CLDN5: variants seen among roughly 807,000 people sequenced by gnomAD.
The protein encoded by CLDN5 is claudin-5.
Under a neutral mutation model 1.3 loss-of-function variants are expected in CLDN5, and 4 were observed. The observed-to-expected ratio is 3.07, with a 90% CI of 1.51 to 7.03. The LOEUF is 7.03. Ranked by LOEUF, CLDN5 falls within the 30% of genes most tolerant of loss-of-function variation. CLDN5 has a pLI of 0.00. For synonymous variants in CLDN5, 156 were observed against 152.3 expected, an observed-to-expected ratio of 1.02 and a Z score of -0.18; for missense variants, 225 against 303.5, an observed-to-expected ratio of 0.74 and a Z score of 1.92.
Position 19,524,017 on chromosome 22 carries a change from G to C in CLDN5, c.239C>G (p.Ala80Gly). ...CACGGCGCTCACGGTGAGCGCCCGC[G>C]CCGCCTGCACCTCGGTGCTCAGAGC... The part of the protein sequence containing the change: ...VLALSTEVQA[A>G]RALTVSAVLL... The change falls in exon 1 of 1, where the codon GCG (alanine) becomes GGG (glycine). Residue 80 changes from alanine (A) to glycine (G), a missense_variant. Coordinates refer to ENST00000618236, the MANE Select transcript of CLDN5 (RefSeq NM_001363066.2). 11 of 1,595,332 alleles carry C rather than the reference G, an allele frequency of 6.9e-6. No homozygotes were observed. Among genetic ancestry groups the C allele is most frequent in the Non-Finnish European group, 9.3e-6 (11 of 1,176,752 alleles).
In CLDN5 at chr22:19,523,302, G is replaced by T; in HGVS notation, c.*297C>A. On this transcript the variant is annotated 3_prime_UTR_variant, in exon 1 of 1. Coordinates refer to ENST00000618236, the MANE Select transcript of CLDN5 (RefSeq NM_001363066.2). ...AGCCAAGACCCCCAGCGTCTTGGAG[G>T]GGAAGCGAAATCCTCAGTCTGACAC... The T allele has an allele frequency of 2.5e-6, 1 of 395,356 alleles. No homozygotes were observed. Among genetic ancestry groups the T allele is most frequent in the Admixed American group, 4.5e-5 (1 of 22,106 alleles). The allele number at this position is 395,356 out of a possible 1,614,324, so 24.5% of individuals were successfully genotyped here.
chr22:19,524,621 C>T, upstream of CLDN5: 2 of 1,354,338 alleles, frequency 1.5e-6, no homozygotes, highest in African/African-American at 1.5e-5. Flanking sequence ...CGCCCCCAGC[C>T]CCACCCGCCG....
chr22:19,524,769 C>T, upstream of CLDN5: 1 of 1,243,580 alleles, frequency 8.0e-7, no homozygotes, highest in Non-Finnish European at 1.0e-6. Context: ...TCCCACATCC[C>T]CGACTGAGCC....
In CLDN5 at chr22:19,523,119, G is replaced by C. The variant is rs1934140728; in HGVS notation, c.*480C>G. 6.3e-6 allele frequency: 1 copy of C among 159,444 alleles called. No homozygotes were observed. Among genetic ancestry groups the C allele is most frequent in the South Asian group, 2.0e-4 (1 of 5,006 alleles). The allele number at this position is 159,444 out of a possible 1,614,324, so 9.9% of individuals were successfully genotyped here. A position where few individuals can be genotyped will look rare whatever the true frequency, so the allele number is the denominator to read the frequency against. ...GCCCACAAGCCTTGCCTGGGGAGATGCTGGAGTGAGACCGGGAGGTCCAGG... is the reference window on the plus strand; with the variant it reads ...GCCCACAAGCCTTGCCTGGGGAGATCCTGGAGTGAGACCGGGAGGTCCAGG... On this transcript the variant is annotated 3_prime_UTR_variant, in exon 1 of 1. Transcript: ENST00000618236.
In CLDN5 at chr22:19,524,157, G is replaced by T. The variant is rs140361640; in HGVS notation, c.99C>A (p.Thr33=). The T allele has an allele frequency of 1.9e-6, 3 of 1,610,376 alleles. No homozygotes were observed. The highest frequency in any genetic ancestry group is 2.5e-6 in the Non-Finnish European group (3 of 1,179,592). Residue 33 remains threonine, a synonymous_variant, in exon 1 of 1, where the codon ACC becomes ACA. Coordinates refer to ENST00000618236, the MANE Select transcript of CLDN5 (RefSeq NM_001363066.2). ...LACGLPMWQV[T]AFLDHNIVTA... Reference sequence around the variant, plus strand: ...TCACGATGTTGTGGTCCAGGAAGGCGGTCACCTGCCACATGGGCAGCCCGC... The same window carrying T: ...TCACGATGTTGTGGTCCAGGAAGGCTGTCACCTGCCACATGGGCAGCCCGC...
In CLDN5 at chr22:19,524,250, C is replaced by T; in HGVS notation, c.6G>A (p.Gly2=). Residue 2 remains glycine (G), a synonymous_variant, in exon 1 of 1, where the codon GGG becomes GGA. Coordinates refer to ENST00000618236, the MANE Select transcript of CLDN5 (RefSeq NM_001363066.2). ...GGCCCAGGATCTCCAACGCTGCGGA[C>T]CCCATGGCTAGAGGCGAGACGCGCA... M[G]SAALEILGLV... is the part of the protein sequence containing the mutation. 1 of 1,576,788 alleles carries T rather than the reference C, an allele frequency of 6.3e-7. No individual in the cohort carries two copies. Among genetic ancestry groups the T allele is most frequent in the South Asian group, 1.1e-5 (1 of 87,006 alleles).
chr22:19,524,517 G>A (rs2146466828), upstream of CLDN5: 3 of 1,410,118 alleles, frequency 2.1e-6, no homozygotes, highest in East Asian at 2.8e-5. Context: ...TCATCGTGCC[G>A]CAGCCAATCA....
At chr22:19,525,250 C>G (rs1437260395), upstream of CLDN5, 1 of 1,000,296 alleles carries the variant, frequency 1.0e-6, no homozygotes, top group Non-Finnish European at 1.2e-6. Flanking sequence ...CAGGAAGTTC[C>G]CAGTGACCCA....
chr22:19,525,140 A>G, upstream of CLDN5: 1 of 1,000,582 alleles, frequency 1.0e-6, no homozygotes, highest in Non-Finnish European at 1.2e-6. Context: ...CCCAAGCCGC[A>G]GGGGCTTCCC....
upstream of CLDN5, chr22:19,524,991 G>A: frequency 9.9e-7 from 1 of 1,006,190 alleles, no homozygotes; most frequent in African/African-American, 1.7e-5. Flanking sequence ...GGCAAACAGA[G>A]AGGCCAGGCA....
rs1934139026 is a variant in CLDN5, at chr22:19,523,061, C to T, written c.*538G>A. 1 of 153,820 alleles carries T rather than the reference C, an allele frequency of 6.5e-6. No homozygotes were observed. The highest frequency in any genetic ancestry group is 2.1e-4 in the South Asian group (1 of 4,868). 9.5% of individuals were successfully genotyped at this position (153,820 alleles called of 1,614,324 possible). On this transcript the variant is annotated 3_prime_UTR_variant, in exon 1 of 1. Coordinates refer to ENST00000618236, the MANE Select transcript of CLDN5 (RefSeq NM_001363066.2). ...AACCATTTACTAAGCAGATTCTTAG[C>T]CTTCCCACTCCCGCCCTCTCTCAAG...
At chr22:19,524,674 C>T (rs556068557), upstream of CLDN5, 72 of 1,307,726 alleles carry the variant, frequency 5.5e-5, no homozygotes, top group African/African-American at 8.2e-4. Context: ...TGGCCTAGGG[C>T]GCGCTTCTTG....
chr22:19,524,979 A>C, upstream of CLDN5: 2 of 1,006,834 alleles, frequency 2.0e-6, no homozygotes, highest in Non-Finnish European at 1.2e-6. Flanking sequence ...CTCTCATCCC[A>C]TGGCAAACAG....
Position 19,523,926 on chromosome 22 carries a change from C to T in CLDN5, c.330G>A (p.Pro110=). 2 of 1,596,912 alleles carry T rather than the reference C, an allele frequency of 1.3e-6. No individual in the cohort carries two copies. Among genetic ancestry groups the T allele is most frequent in the African/African-American group, 1.3e-5 (1 of 74,894 alleles). ...AGAQCTTCVA[P]GPAKARVALT... ...GGGCCACACGCGCCTTGGCCGGGCC[C>T]GGGGCCACGCAGGTGGTGCACTGCG... is the stretch of plus-strand genomic sequence containing the variant. Residue 110 remains proline (P), a synonymous_variant, in exon 1 of 1, where the codon CCG becomes CCA. Coordinates refer to ENST00000618236, the MANE Select transcript of CLDN5 (RefSeq NM_001363066.2).
rs780968954 is a variant in CLDN5 at position 19,523,668 on chromosome 22, G to A, written c.588C>T (p.Phe196=). Residue 196 remains phenylalanine, a synonymous_variant, in exon 1 of 1, where the codon TTC becomes TTT. Coordinates refer to ENST00000618236, the MANE Select transcript of CLDN5 (RefSeq NM_001363066.2). ...GCCGCGGCGCTGAGTACTTCACGGG[G>A]AAGCTGAGGTCGGGACGGCCGGTGC... is the stretch of plus-strand genomic sequence containing the variant. ...WVCTGRPDLS[F]PVKYSAPRRP... is the part of the protein sequence containing the mutation. The A allele has an allele frequency of 1.2e-6, 2 of 1,607,358 alleles. No individual in the cohort carries two copies. Among genetic ancestry groups the A allele is most frequent in the South Asian group, 2.2e-5 (2 of 91,012 alleles).
upstream of CLDN5, chr22:19,524,956 C>T (rs1008493089): frequency 8.8e-6 from 9 of 1,017,218 alleles, no homozygotes; most frequent in South Asian, 4.7e-5. Context: ...CGCTCTGAGT[C>T]CCAGCACTGT....
chr22:19,525,320 C>T (rs982868635), upstream of CLDN5: 12 of 998,868 alleles, frequency 1.2e-5, no homozygotes, highest in South Asian at 3.8e-4. Flanking sequence ...CCTGCTCTGG[C>T]CTTCAGACAG....
At chr22:19,524,758 C>T (rs1568944472), upstream of CLDN5, 11 of 1,254,020 alleles carry the variant, frequency 8.8e-6, no homozygotes, top group Non-Finnish European at 1.1e-5. Context: ...ACCCAGTCCA[C>T]TCCCACATCC....
Position 19,523,779 on chromosome 22 carries a change from C to T in CLDN5, c.477G>A (p.Glu159=). The T allele has an allele frequency of 6.2e-7, 1 of 1,605,724 alleles. No individual in the cohort carries two copies. Among genetic ancestry groups the T allele is most frequent in the Non-Finnish European group, 8.5e-7 (1 of 1,176,836 alleles). The change falls in exon 1 of 1, where the codon GAG becomes GAA. Residue 159 remains glutamate, a synonymous_variant. Transcript: ENST00000618236. ...AGCCGATGTACAGCGCTGCGCCCAG[C>T]TCGTACTTCTGCGACACGGGCACAG... is the stretch of plus-strand genomic sequence containing the variant. ...DPSVPVSQKY[E]LGAALYIGWA...
Sources: gnomAD v4.1 joint callset for allele counts on GRCh38, gnomAD v4.1.1 for gene constraint, MANE v1.5 for transcripts, NCBI Gene and HGNC (gene_info 2026-07-23, HGNC 2026-07-21) for gene names.